The following SLC8A3 variants were observed in gnomAD, a reference collection of about 807,000 sequenced individuals.
SLC8A3 encodes sodium/calcium exchanger 3.
A neutral mutation model predicts 65.4 loss-of-function variants in SLC8A3; 37 were observed. The ratio of observed to expected loss-of-function variants is 0.57; its 90% CI spans 0.44 to 0.74. The LOEUF (loss-of-function observed/expected upper bound fraction) is 0.74, where lower values mean the gene tolerates loss of function less well. Among genes scored for constraint, SLC8A3 ranks in the 30% least tolerant of loss-of-function variants. The probability of loss-of-function intolerance (pLI) is 0.00; values close to 1 mark genes in which losing one functional copy is unlikely to be tolerated. For synonymous variants in SLC8A3, 461 were observed against 444.5 expected, an observed-to-expected ratio of 1.04 and a Z score of -0.47; for missense variants, 1,112 against 1,172.1, an observed-to-expected ratio of 0.95 and a Z score of 0.75.
intron 2 of SLC8A3, among the ~76,000 whole-genome samples, chr14:70,127,517 A>T (rs764706864): frequency 2.0e-5 from 3 of 152,136 alleles, no homozygotes; most frequent in Non-Finnish European, 4.4e-5. Context: ...AAAGCTACTG[A>T]TGGTGATGGT....
chr14:70,124,212 A>C (rs1428015722), intron 2 of SLC8A3, among the ~76,000 whole-genome samples: 2 of 152,192 alleles, frequency 1.3e-5, no homozygotes, highest in African/African-American at 4.8e-5. Context: ...GAGATGCTGA[A>C]GCCACTTCAG....
intron 2 of SLC8A3, among the ~76,000 whole-genome samples, chr14:70,105,131 C>T (rs1386069030): frequency 3.3e-5 from 5 of 152,128 alleles, no homozygotes; most frequent in Admixed American, 3.3e-4. Flanking sequence ...AGATCGAGAC[C>T]ATCCTGGCTA....
intron 1 of SLC8A3, among the ~76,000 whole-genome samples, chr14:70,182,363 C>A (rs1461401436): frequency 5.9e-5 from 9 of 152,110 alleles, no homozygotes. Flanking sequence ...ACTGCAGTAA[C>A]AGCACAAACC....
intron 3 of SLC8A3, among the ~76,000 whole-genome samples, chr14:70,057,321 G>T (rs779952283): frequency 6.6e-6 from 1 of 152,146 alleles, no homozygotes; most frequent in Non-Finnish European, 1.5e-5. Flanking sequence ...TAGATAGATA[G>T]ATAGATAGAT....
At chr14:70,127,648 G>A (rs1232667121) in intron 2 of SLC8A3, among the ~76,000 whole-genome samples, 1 of 152,076 alleles carries the variant, frequency 6.6e-6, no homozygotes, top group East Asian at 1.9e-4. Flanking sequence ...CTGGTTTGTT[G>A]TGTGCTCTCC....
intron 2 of SLC8A3, among the ~76,000 whole-genome samples, chr14:70,064,600 G>A (rs923470944): frequency 6.6e-5 from 10 of 152,062 alleles, no homozygotes; most frequent in Non-Finnish European, 1.2e-4. Context: ...CACACATTCT[G>A]GCAATTCACA....
At chr14:70,117,374 C>T (rs1173726076) in intron 2 of SLC8A3, among the ~76,000 whole-genome samples, 2 of 152,238 alleles carry the variant, frequency 1.3e-5, no homozygotes, top group Admixed American at 6.5e-5. Flanking sequence ...CTTTGTGTGA[C>T]TGGCATTGTG....
intron 1 of SLC8A3, among the ~76,000 whole-genome samples, chr14:70,178,224 C>T (rs1450337603): frequency 6.6e-6 from 1 of 152,196 alleles, no homozygotes; most frequent in Admixed American, 6.5e-5. Flanking sequence ...TTAGGACTTC[C>T]TGTAACTGTG....
intron 2 of SLC8A3, among the ~76,000 whole-genome samples, chr14:70,124,933 C>A (rs972135328): frequency 6.6e-6 from 1 of 152,180 alleles, no homozygotes; most frequent in Non-Finnish European, 1.5e-5. Context: ...AAGGTGGCAT[C>A]CTTTCTTATT....
At chr14:70,078,188 AT>A (rs1277399055) in intron 2 of SLC8A3, among the ~76,000 whole-genome samples, 2 of 152,244 alleles carry the variant, frequency 1.3e-5, no homozygotes, top group African/African-American at 2.4e-5. Flanking sequence ...TTCTGGGGTG[AT>A]AAAAGAAAGC....
rs569114587 is a variant in SLC8A3, at chr14:70,045,973, C to T, written c.2740G>A (p.Ala914Thr). Residue 914 changes from alanine (A) to threonine (T), a missense_variant, in exon 7 of 7, where the codon GCC (alanine) becomes ACC (threonine). Coordinates refer to ENST00000356921, the MANE Select transcript of SLC8A3 (RefSeq NM_182932.3). ...TAGAACCCCTTGATGTAGCAATAGG[C>T]CTCTAGTGTGGCAAAGAGTATGTAG... ...LLYILFATLEAYCYIKGF is the reference protein window; with the variant it reads ...LLYILFATLETYCYIKGF The T allele has an allele frequency of 3.7e-6, 6 of 1,603,638 alleles. No individual in the cohort carries two copies. The South Asian group carries it at 4.4e-5, about 12-fold the overall frequency.
At chr14:70,086,141 A>G (rs187946912) in intron 2 of SLC8A3, among the ~76,000 whole-genome samples, 2 of 152,306 alleles carry the variant, frequency 1.3e-5, no homozygotes, top group East Asian at 1.9e-4. Context: ...TATGTGCCAC[A>G]TACTATGCTA....
intron 2 of SLC8A3, among the ~76,000 whole-genome samples, chr14:70,098,579 G>C (rs1892348559): frequency 6.6e-6 from 1 of 152,152 alleles, no homozygotes; most frequent in African/African-American, 2.4e-5. Flanking sequence ...GAAGCCTCTT[G>C]GCCCAGCAGC....
intron 2 of SLC8A3, among the ~76,000 whole-genome samples, chr14:70,165,530 G>C (rs7148926): frequency 0.11 from 16,138 of 152,198 alleles, 1,166 homozygotes; most frequent in Non-Finnish European, 0.16. Flanking sequence ...CTCCTGCCAC[G>C]CTTATTATTT....
At chr14:70,065,031 A>T (rs1889262199) in intron 2 of SLC8A3, among the ~76,000 whole-genome samples, 1 of 152,066 alleles carries the variant, frequency 6.6e-6, no homozygotes, top group Non-Finnish European at 1.5e-5. Flanking sequence ...GTCTCCCCTC[A>T]GTTGTGGGAG....
chr14:70,117,215 A>G (rs1595013136), intron 2 of SLC8A3, among the ~76,000 whole-genome samples: 1 of 152,200 alleles, frequency 6.6e-6, no homozygotes, highest in Admixed American at 6.5e-5. Flanking sequence ...CCCTGTGTCC[A>G]AAGAGCTCTC....
chr14:70,087,450 G>A (rs1189100279), intron 2 of SLC8A3, among the ~76,000 whole-genome samples: 1 of 152,136 alleles, frequency 6.6e-6, no homozygotes, highest in Non-Finnish European at 1.5e-5. Context: ...TGGCTACCGG[G>A]ACTTGTGTCC....
intron 2 of SLC8A3, among the ~76,000 whole-genome samples, chr14:70,088,293 G>A (rs776229058): frequency 6.6e-6 from 1 of 152,190 alleles, no homozygotes; most frequent in African/African-American, 2.4e-5. Flanking sequence ...GGAGTCCCTT[G>A]AGAATAGAAT....
chr14:70,051,055 G>T lies in SLC8A3; in HGVS notation c.2066C>A (p.Thr689Asn). ...CATGAACTGGTCCCTCCAGGAATGG[G>T]TCCCCACAACCAAGGCCAGGTTTGT... ...KKTNLALVVG[T>N]HSWRDQFMEA... Residue 689 changes from threonine (T) to asparagine (N), a missense_variant, in exon 5 of 7, where the codon ACC becomes AAC. By Grantham distance (65) the Thr-to-Asn change is moderately conservative (BLOSUM62 0). Coordinates refer to ENST00000356921, the MANE Select transcript of SLC8A3 (RefSeq NM_182932.3). The T allele has an allele frequency of 6.2e-7, 1 of 1,613,678 alleles. No individual in the cohort carries two copies. Among genetic ancestry groups the T allele is most frequent in the Non-Finnish European group, 8.5e-7 (1 of 1,179,670 alleles).
Sources: allele counts gnomAD v4.1 joint callset (sites outside exome capture counted in the v4.1 genomes callset), GRCh38; gene constraint gnomAD v4.1.1; transcripts MANE v1.5; gene names NCBI Gene and HGNC (gene_info 2026-07-23, HGNC 2026-07-21).